Variants in DDC observed in about 807,000 individuals in gnomAD.
The protein encoded by DDC is dopa decarboxylase, also known as aromatic-L-amino-acid decarboxylase.
In DDC, 43 loss-of-function variants were observed where a neutral mutation model predicts 60.0. That is an observed-to-expected ratio of 0.72 (90% CI 0.56 to 0.92). The LOEUF is 0.92. DDC is among the 40% of genes least tolerant of loss of function. The probability of loss-of-function intolerance (pLI) is 0.00; values close to 1 mark genes in which losing one functional copy is unlikely to be tolerated. For missense variants in DDC, 573 were observed against 620.2 expected (o/e 0.92, Z 0.81); for synonymous variants, 232 against 234.6 (o/e 0.99, Z 0.10).
At chr7:50,518,717 T>G (rs2043807532) in intron 6 of DDC, among the ~76,000 whole-genome samples, 2 of 152,180 alleles carry the variant, frequency 1.3e-5, no homozygotes, top group African/African-American at 4.8e-5. Flanking sequence ...TCCTCATCTC[T>G]CACCTTATAC....
chr7:50,474,601 G>A (rs1585148220), intron 11 of DDC, among the ~76,000 whole-genome samples: 1 of 152,244 alleles, frequency 6.6e-6, no homozygotes, highest in East Asian at 1.9e-4. Flanking sequence ...TGAGCTGCTA[G>A]ATGCGGGCAG....
chr7:50,530,661 C>A (rs529393814), intron 4 of DDC, among the ~76,000 whole-genome samples: 1 of 149,730 alleles, frequency 6.7e-6, no homozygotes, highest in Non-Finnish European at 1.5e-5. Flanking sequence ...CCCACGCCTG[C>A]GCTTTTTAGG....
chr7:50,494,422 T>C (rs2043077333), intron 9 of DDC, among the ~76,000 whole-genome samples: 1 of 151,858 alleles, frequency 6.6e-6, no homozygotes, highest in African/African-American at 2.4e-5. Flanking sequence ...GAGAATGGCA[T>C]GAACCTGGGA....
intron 9 of DDC, among the ~76,000 whole-genome samples, chr7:50,486,887 T>C (rs991301192): frequency 6.6e-6 from 1 of 152,218 alleles, no homozygotes; most frequent in African/African-American, 2.4e-5. Context: ...AAGTTCATCT[T>C]ATCTGTTGTA....
chr7:50,466,732 C>T (rs931050821), intron 13 of DDC, among the ~76,000 whole-genome samples: 2 of 152,200 alleles, frequency 1.3e-5, no homozygotes, highest in Non-Finnish European at 1.5e-5. Context: ...CGCCACAACA[C>T]AGTGTCAAAC....
At chr7:50,527,218 G>A (rs2044063116) in intron 6 of DDC, among the ~76,000 whole-genome samples, 1 of 152,020 alleles carries the variant, frequency 6.6e-6, no homozygotes, top group Admixed American at 6.5e-5. Context: ...TACGACATAC[G>A]CTATAAGTGG....
At chr7:50,553,484 C>CTTTTCT (rs2045078357) in intron 1 of DDC, among the ~76,000 whole-genome samples, 1 of 90,940 alleles carries the variant, frequency 1.1e-5, no homozygotes, top group South Asian at 4.1e-4. Context: ...TCTTTCTTTT[C>CTTTTCT]TTTTTTTTTT....
rs78158471 is a variant in DDC at position 50,560,790 on chromosome 7, C to T, written c.-29+4495G>A. On this transcript the variant is annotated intron_variant, in intron 1 of 14. Coordinates refer to ENST00000444124, the MANE Select transcript of DDC (RefSeq NM_001082971.2). ...TTGCAGATAGCACAAAAAAGCAAGC[C>T]GACCTAGGTTGGTGCCTATTTTCTT... 1.1e-3 allele frequency among the ~76,000 whole-genome samples: 160 copies of T among 152,272 alleles called. 1 individual carries two copies. The highest frequency in any genetic ancestry group is 3.1e-3 in the African/African-American group (129 of 41,562).
chr7:50,562,246 G>A (rs1487149502), intron 1 of DDC, among the ~76,000 whole-genome samples: 1 of 152,194 alleles, frequency 6.6e-6, no homozygotes, highest in Non-Finnish European at 1.5e-5. Flanking sequence ...ACAAGTGAGG[G>A]GATCCTGGTC....
At chr7:50,540,233 C>T (rs1320162604) in intron 2 of DDC, 9 of 579,194 alleles carry the variant, frequency 1.6e-5, no homozygotes, top group Non-Finnish European at 3.2e-6. Context: ...GTCCCCACTC[C>T]CTTTAAACCA....
At chr7:50,513,995 A>G (rs1452520923) in intron 6 of DDC, among the ~76,000 whole-genome samples, 1 of 152,030 alleles carries the variant, frequency 6.6e-6, no homozygotes, top group Non-Finnish European at 1.5e-5. Flanking sequence ...GGAAAGCACT[A>G]CCTCCTGCAG....
intron 9 of DDC, among the ~76,000 whole-genome samples, chr7:50,481,279 T>C (rs1562991401): frequency 6.6e-6 from 1 of 152,230 alleles, no homozygotes; most frequent in South Asian, 2.1e-4. Context: ...ATTCTTTCTT[T>C]GACTTGTGGA....
chr7:50,514,949 TC>T (rs1320894853), intron 6 of DDC, among the ~76,000 whole-genome samples: 2 of 152,138 alleles, frequency 1.3e-5, no homozygotes, highest in African/African-American at 4.8e-5. Flanking sequence ...TAATCAGTGT[TC>T]CCGAGGAAGA....
rs189156628 is a variant in DDC, at chr7:50,459,959, G to A, written c.*19-1116C>T. Among the ~76,000 whole-genome samples, 803 of 139,492 alleles carry A rather than the reference G, an allele frequency of 5.8e-3. 10 individuals carry two copies. Among genetic ancestry groups the A allele is most frequent in the Non-Finnish European group, 7.2e-3 (468 of 64,576 alleles). The allele number at this position is 139,492 out of a possible 152,430, so 91.5% of individuals were successfully genotyped here. On this transcript the variant is annotated intron_variant, in intron 14 of 14. Coordinates refer to ENST00000444124, the MANE Select transcript of DDC (RefSeq NM_001082971.2). Reference sequence around the variant, plus strand: ...GGGTCAGCCCCCTGCCCGGCCAGCCGCCCCATCTGGGAGGTGAGGGGCGCC... The same window carrying A: ...GGGTCAGCCCCCTGCCCGGCCAGCCACCCCATCTGGGAGGTGAGGGGCGCC...
At chr7:50,517,141 C>T (rs970528195) in intron 6 of DDC, among the ~76,000 whole-genome samples, 3 of 152,158 alleles carry the variant, frequency 2.0e-5, no homozygotes, top group African/African-American at 7.2e-5. Flanking sequence ...AGACAGATAT[C>T]CTTGATGAAC....
intron 1 of DDC, among the ~76,000 whole-genome samples, chr7:50,551,075 G>T (rs888777560): frequency 6.6e-6 from 1 of 151,922 alleles, no homozygotes; most frequent in African/African-American, 2.4e-5. Flanking sequence ...AATTTATTTA[G>T]AACAAATTCT....
At chr7:50,491,611 G>A (rs2042998915) in intron 9 of DDC, among the ~76,000 whole-genome samples, 1 of 152,160 alleles carries the variant, frequency 6.6e-6, no homozygotes, top group Admixed American at 6.5e-5. Flanking sequence ...ATGCTTTCAT[G>A]CAAGAAGATA....
intron 6 of DDC, among the ~76,000 whole-genome samples, chr7:50,506,694 G>A (rs191456369): frequency 3.9e-5 from 6 of 152,340 alleles, no homozygotes; most frequent in Admixed American, 3.3e-4. Context: ...GACCTGGGCT[G>A]GAGGCCCAAC....
chr7:50,464,068 T>A (rs543324388), intron 13 of DDC, among the ~76,000 whole-genome samples: 3 of 151,944 alleles, frequency 2.0e-5, no homozygotes, highest in Non-Finnish European at 2.9e-5. Flanking sequence ...CTTCTGACAC[T>A]TCACCTCCAT....
Sources: allele counts gnomAD v4.1 joint callset (sites outside exome capture counted in the v4.1 genomes callset), GRCh38; gene constraint gnomAD v4.1.1; transcripts MANE v1.5; gene names NCBI Gene and HGNC (gene_info 2026-07-23, HGNC 2026-07-21).